Variants in TBC1D22A observed in about 807,000 individuals in gnomAD.
TBC1D22A encodes the protein TBC1 domain family member 22A, also known as putative GTPase activator.
In TBC1D22A, 38 loss-of-function variants were observed where a neutral mutation model predicts 60.2. The ratio of observed to expected loss-of-function variants is 0.63; its 90% confidence interval spans 0.49 to 0.83. The LOEUF (loss-of-function observed/expected upper bound fraction) is 0.83. TBC1D22A is among the 40% of genes least tolerant of loss of function. The pLI is 0.00. For missense variants in TBC1D22A, 628 were observed against 701.0 expected (o/e 0.90, Z 1.18); for synonymous variants, 302 against 281.7 (o/e 1.07, Z -0.72).
At chr22:47,056,172 G>C (rs2063387147) in intron 11 of TBC1D22A, among the ~76,000 whole-genome samples, 2 of 151,952 alleles carry the variant, frequency 1.3e-5, no homozygotes, top group South Asian at 4.2e-4. Flanking sequence ...TGGGTGGTGG[G>C]CCGGGCCGGG....
At chr22:47,165,214 GGTAGGGGAGTGACTC>G (rs2068154398) in intron 12 of TBC1D22A, among the ~76,000 whole-genome samples, 1 of 152,128 alleles carries the variant, frequency 6.6e-6, no homozygotes, top group Non-Finnish European at 1.5e-5. Context: ...ATGTGTCAGG[GGTAGGGGAGTGACTC>G]GTGTTTGCCT....
intron 12 of TBC1D22A, among the ~76,000 whole-genome samples, chr22:47,128,939 CTTTA>C (rs1234714519): frequency 2.0e-5 from 3 of 152,224 alleles, no homozygotes; most frequent in Non-Finnish European, 4.4e-5. Flanking sequence ...AGAAGCGTTA[CTTTA>C]TTTACAGTGT....
chr22:46,933,625 T>TCGGGGG (rs375567614), intron 8 of TBC1D22A, among the ~76,000 whole-genome samples: 10 of 150,524 alleles, frequency 6.6e-5, no homozygotes, highest in African/African-American at 2.2e-4. Flanking sequence ...GAGAGACCAC[T>TCGGGGG]GGGGGGGGGT....
At chr22:46,898,590 G>A (rs1031700597) in intron 7 of TBC1D22A, among the ~76,000 whole-genome samples, 1 of 152,126 alleles carries the variant, frequency 6.6e-6, no homozygotes, top group Non-Finnish European at 1.5e-5. Flanking sequence ...AATGCAGGGA[G>A]TCTGCATGTT....
At chr22:46,901,223 CAT>C (rs2068973819) in intron 7 of TBC1D22A, among the ~76,000 whole-genome samples, 1 of 152,198 alleles carries the variant, frequency 6.6e-6, no homozygotes, top group African/African-American at 2.4e-5. Context: ...AGTTTGCTAA[CAT>C]GTGATGTGCC....
At chr22:46,939,143 T>G (rs1226775952) in intron 8 of TBC1D22A, among the ~76,000 whole-genome samples, 9 of 152,016 alleles carry the variant, frequency 5.9e-5, no homozygotes, top group Non-Finnish European at 8.8e-5. Flanking sequence ...TCACTTGTAA[T>G]AGCAATGACA....
chr22:47,142,442 TCCATTCACC>T (rs2067130727), intron 12 of TBC1D22A, among the ~76,000 whole-genome samples: 1 of 8,040 alleles, frequency 1.2e-4, no homozygotes, highest in Non-Finnish European at 2.2e-4. Flanking sequence ...CACCCACCCA[TCCATTCACC>T]CACCCACCCA....
intron 12 of TBC1D22A, among the ~76,000 whole-genome samples, chr22:47,168,893 G>T (rs1350464543): frequency 1.3e-5 from 2 of 152,112 alleles, no homozygotes; most frequent in Non-Finnish European, 2.9e-5. Flanking sequence ...CAGGAGCCTC[G>T]CCTGCTCTTC....
At chr22:46,814,689 C>T (rs1044338283) in intron 4 of TBC1D22A, among the ~76,000 whole-genome samples, 2 of 151,802 alleles carry the variant, frequency 1.3e-5, no homozygotes, top group African/African-American at 4.8e-5. Context: ...CTCTGTTGCC[C>T]AGGCTGGAGT....
At chr22:47,124,929 G>A (rs938704547) in intron 12 of TBC1D22A, among the ~76,000 whole-genome samples, 3 of 152,286 alleles carry the variant, frequency 2.0e-5, no homozygotes, top group African/African-American at 7.2e-5. Context: ...CAGAGATTGG[G>A]CCAGGCGGGA....
intron 4 of TBC1D22A, among the ~76,000 whole-genome samples, chr22:46,823,568 A>G (rs551022752): frequency 6.6e-6 from 1 of 152,200 alleles, no homozygotes; most frequent in Non-Finnish European, 1.5e-5. Context: ...GCTGGGCAGG[A>G]TGCAGACTGC....
chr22:46,976,191 T>G (rs974474509), intron 9 of TBC1D22A, among the ~76,000 whole-genome samples: 6 of 152,254 alleles, frequency 3.9e-5, no homozygotes, highest in Non-Finnish European at 8.8e-5. Context: ...AAATCTGCTG[T>G]ACAATGAAAT....
At chr22:46,796,176 G>A (rs1047634446) in intron 3 of TBC1D22A, among the ~76,000 whole-genome samples, 66 of 152,168 alleles carry the variant, frequency 4.3e-4, no homozygotes, top group African/African-American at 1.6e-3. Context: ...TGGGCAGCGG[G>A]GATGGGGGAG....
At chr22:46,912,006 A>G in intron 7 of TBC1D22A, 68 bp from the exon 8 acceptor site, 2 of 1,000,634 alleles carry the variant, frequency 2.0e-6, no homozygotes, top group Non-Finnish European at 3.2e-6. Context: ...TAAGTAATAG[A>G]ATGCTTTCAT....
intron 12 of TBC1D22A, among the ~76,000 whole-genome samples, chr22:47,148,196 C>G (rs555401266): frequency 6.6e-6 from 1 of 152,160 alleles, no homozygotes; most frequent in South Asian, 2.1e-4. Context: ...GTGGGATTCC[C>G]GTGGATAAAG....
rs958762140 is a variant in TBC1D22A at position 46,777,037 on chromosome 22, C to T, written c.62+14189C>T. 3.3e-5 allele frequency among the ~76,000 whole-genome samples: 5 copies of T among 152,040 alleles called. No homozygotes were observed. The highest frequency in any genetic ancestry group is 2.9e-5 in the Non-Finnish European group (2 of 68,006). On this transcript the variant is annotated intron_variant, in intron 1 of 12. Coordinates refer to ENST00000337137, the MANE Select transcript of TBC1D22A (RefSeq NM_014346.5). This position sits in a 1 kb window ranked among gnomAD's most constrained non-coding sequence, Gnocchi z 4.5. ...AGCAGGGGATGGGTCAGGGCCAGGG[C>T]TGATGGACAGGAGAAGAGAGATGTG...
intron 8 of TBC1D22A, among the ~76,000 whole-genome samples, chr22:46,923,781 T>C (rs2070891658): frequency 6.6e-6 from 1 of 152,252 alleles, no homozygotes; most frequent in African/African-American, 2.4e-5. Context: ...TCATGTTTTT[T>C]TCCCACATTT....
intron 7 of TBC1D22A, among the ~76,000 whole-genome samples, chr22:46,900,256 A>G (rs1487434619): frequency 6.6e-6 from 1 of 150,996 alleles, no homozygotes; most frequent in African/African-American, 2.5e-5. Flanking sequence ...GGTTCAAGCG[A>G]TTCTCTTGCC....
intron 8 of TBC1D22A, among the ~76,000 whole-genome samples, chr22:46,968,532 C>T (rs1053857751): frequency 2.0e-5 from 3 of 150,534 alleles, no homozygotes; most frequent in Non-Finnish European, 4.5e-5. Flanking sequence ...GGCGTCCTCA[C>T]TGCGTGGCCG....
Sources: allele counts gnomAD v4.1 joint callset (sites outside exome capture counted in the v4.1 genomes callset), GRCh38; gene constraint gnomAD v4.1.1; non-coding constraint Gnocchi (gnomAD v3.1); transcripts MANE v1.5; gene names NCBI Gene and HGNC (gene_info 2026-07-23, HGNC 2026-07-21).